Variants in NEGR1 observed in about 807,000 individuals in gnomAD.
NEGR1 encodes the protein neuronal growth regulator 1.
Under a neutral mutation model 40.9 loss-of-function variants are expected in NEGR1, and 10 were observed. The observed-to-expected ratio is 0.24, with a 90% CI of 0.15 to 0.42. The LOEUF is 0.42. NEGR1 is among the 10% of genes least tolerant of loss of function. The probability of loss-of-function intolerance (pLI) is 1.00; values close to 1 mark genes in which losing one functional copy is unlikely to be tolerated. For synonymous variants in NEGR1, 185 were observed against 166.8 expected (o/e 1.11, Z -0.84); for missense variants, 352 against 438.9 (o/e 0.80, Z 1.77).
At chr1:71,542,860 C>T (rs1378908492) in intron 6 of NEGR1, among the ~76,000 whole-genome samples, 2 of 151,690 alleles carry the variant, frequency 1.3e-5, no homozygotes, top group African/African-American at 2.4e-5. Context: ...TTTCCTGATC[C>T]AACCAATTCT....
intron 1 of NEGR1, among the ~76,000 whole-genome samples, chr1:72,251,580 T>G (rs1458747142): frequency 6.6e-6 from 1 of 152,158 alleles, no homozygotes; most frequent in Non-Finnish European, 1.5e-5. Context: ...ATGTACTTCA[T>G]CTCTAGATTT....
Position 71,671,576 on chromosome 1 carries a change from T to C in NEGR1, c.667+26432A>G, listed in dbSNP as rs116263653. Among the ~76,000 whole-genome samples, 623 of 152,320 alleles carry C rather than the reference T, an allele frequency of 4.1e-3. 4 individuals carry two copies. The Middle Eastern group carries it at 0.044, about 11-fold the overall frequency. ...TCAAGTAATGATTTCCAGGTTATTG[T>C]TCATAAGCCAGCCATCTTGCCAAGT... On this transcript the variant is annotated intron_variant, in intron 4 of 6. Transcript: ENST00000357731.
At chr1:71,994,408 G>C (rs1476340146) in intron 1 of NEGR1, among the ~76,000 whole-genome samples, 3 of 151,878 alleles carry the variant, frequency 2.0e-5, no homozygotes, top group African/African-American at 7.3e-5. Flanking sequence ...GGCGCCTGTA[G>C]TACCAGCTAC....
chr1:71,928,356 A>ACACACATATG lies in NEGR1; in HGVS notation c.409+6722_409+6723insCATATGTGTG, dbSNP rs1557439007. Among the ~76,000 whole-genome samples the ACACACATATG allele has an allele frequency of 8.3e-3, 620 of 74,868 alleles. 56 individuals carry two copies. The highest frequency in any genetic ancestry group is 0.03 in the Middle Eastern group (2 of 66). The allele number at this position is 74,868 out of a possible 152,430, so 49.1% of individuals were successfully genotyped here. On this transcript the variant is annotated intron_variant, in intron 2 of 6. Coordinates refer to ENST00000357731, the MANE Select transcript of NEGR1 (RefSeq NM_173808.3). ...TGTATATATACACACATGTGTATAT[A>ACACACATATG]TATATACACATATGTATATATGTAT... is the stretch of plus-strand genomic sequence containing the variant.
Position 72,020,382 on chromosome 1 carries a change from G to T in NEGR1, c.177-85071C>A, listed in dbSNP as rs571661261. Among the ~76,000 whole-genome samples the T allele has an allele frequency of 2.0e-5, 3 of 152,252 alleles. No homozygotes were observed. The East Asian group carries it at 5.8e-4, about 29-fold the overall frequency. ...AAAGACTTATCTTCCATAACGTCAG[G>T]ATTCTAAAAAGTAGCACCTTTGGTA... On this transcript the variant is annotated intron_variant, in intron 1 of 6. Transcript: ENST00000357731.
chr1:71,435,236 A>G (rs890442667), intron 6 of NEGR1, among the ~76,000 whole-genome samples: 3 of 152,200 alleles, frequency 2.0e-5, no homozygotes, highest in Non-Finnish European at 2.9e-5. Context: ...CAGGCCTTCT[A>G]TAAGAGAGTC....
intron 6 of NEGR1, among the ~76,000 whole-genome samples, chr1:71,434,694 C>T (rs1405316162): frequency 1.3e-5 from 2 of 152,094 alleles, no homozygotes; most frequent in Non-Finnish European, 2.9e-5. Flanking sequence ...AAGAAAAAGT[C>T]GAATTGCTTG....
At chr1:71,474,175 A>G (rs1185952673) in intron 6 of NEGR1, among the ~76,000 whole-genome samples, 1 of 152,060 alleles carries the variant, frequency 6.6e-6, no homozygotes, top group African/African-American at 2.4e-5. Context: ...ATTAACAGAA[A>G]GAAAAGTGAA....
chr1:71,927,851 A>AAAAAAAAAAG lies in NEGR1; in HGVS notation c.409+7227_409+7228insCTTTTTTTTT, dbSNP rs1557437874. On this transcript the variant is annotated intron_variant, in intron 2 of 6. Transcript: ENST00000357731. ...AAAAAAAAAAAAAAAAAAAAAAAAAAGCCAGGCAGAGTGGTGTGCACCTGT... is the reference window on the plus strand; with the variant it reads ...AAAAAAAAAAAAAAAAAAAAAAAAAAAAAAAAAAAGGCCAGGCAGAGTGGTGTGCACCTGT... 9.3e-4 allele frequency among the ~76,000 whole-genome samples: 117 copies of AAAAAAAAAAG among 125,378 alleles called. 8 individuals are homozygous for AAAAAAAAAAG. The highest frequency in any genetic ancestry group is 3.6e-3 in the African/African-American group (113 of 31,106). 82.3% of individuals were successfully genotyped at this position (125,378 alleles called of 152,430 possible).
chr1:71,647,438 T>G (rs1372219544), intron 4 of NEGR1, among the ~76,000 whole-genome samples: 1 of 151,948 alleles, frequency 6.6e-6, no homozygotes, highest in African/African-American at 2.4e-5. Context: ...TCCCACATTT[T>G]TATTTTTATT....
chr1:72,030,884 A>T (rs1646852499), intron 1 of NEGR1, among the ~76,000 whole-genome samples: 2 of 152,174 alleles, frequency 1.3e-5, no homozygotes, highest in South Asian at 2.1e-4. Context: ...GAACTTACAC[A>T]TGGAAAAAAA....
intron 1 of NEGR1, among the ~76,000 whole-genome samples, chr1:72,045,949 T>C (rs1051831204): frequency 6.6e-6 from 1 of 151,780 alleles, no homozygotes; most frequent in Non-Finnish European, 1.5e-5. Context: ...ATGTTGTGAA[T>C]TCCTTTGCTA....
At chr1:71,881,162 T>C (rs908156460) in intron 2 of NEGR1, among the ~76,000 whole-genome samples, 6 of 152,034 alleles carry the variant, frequency 3.9e-5, no homozygotes, top group Non-Finnish European at 8.8e-5. Context: ...GAAACTCTTC[T>C]AGAAATTACA....
At chr1:72,155,952 C>T (rs1651340775) in intron 1 of NEGR1, among the ~76,000 whole-genome samples, 1 of 152,070 alleles carries the variant, frequency 6.6e-6, no homozygotes, top group Non-Finnish European at 1.5e-5. Context: ...TCACATTTGA[C>T]TTATCCAAGA....
chr1:72,224,578 A>G (rs1045136216), intron 1 of NEGR1, among the ~76,000 whole-genome samples: 1 of 152,106 alleles, frequency 6.6e-6, no homozygotes, highest in South Asian at 2.1e-4. Flanking sequence ...GTAAGCTTGC[A>G]TGTCGGAATG....
At chr1:72,268,935 C>T (rs942050964) in intron 1 of NEGR1, among the ~76,000 whole-genome samples, 1 of 151,370 alleles carries the variant, frequency 6.6e-6, no homozygotes, top group African/African-American at 2.4e-5. Context: ...TAGTACTGCA[C>T]TGGAAAAGCT....
intron 6 of NEGR1, among the ~76,000 whole-genome samples, chr1:71,559,667 T>C (rs566921094): frequency 1.2e-4 from 18 of 151,736 alleles, no homozygotes; most frequent in African/African-American, 4.3e-4. Context: ...TTTAAACTTT[T>C]AATCAAATTC....
At chr1:71,910,948 G>A (rs1208617094) in intron 2 of NEGR1, among the ~76,000 whole-genome samples, 2 of 151,918 alleles carry the variant, frequency 1.3e-5, no homozygotes, top group Admixed American at 1.3e-4. Flanking sequence ...TCCATCTACC[G>A]CAGCTTTTCA....
chr1:71,508,842 A>C (rs1488399512), intron 6 of NEGR1, among the ~76,000 whole-genome samples: 2 of 152,208 alleles, frequency 1.3e-5, no homozygotes, highest in African/African-American at 4.8e-5. Flanking sequence ...TCCTATACTT[A>C]TCACCATGAA....
Sources: gnomAD v4.1 joint callset for allele counts (sites outside exome capture counted in the v4.1 genomes callset) on GRCh38, gnomAD v4.1.1 for gene constraint, MANE v1.5 for transcripts, NCBI Gene and HGNC (gene_info 2026-07-23, HGNC 2026-07-21) for gene names.